The following UTRN variants were observed in gnomAD, a reference collection of about 807,000 sequenced individuals.
The protein encoded by UTRN is dystrophin-related protein 1.
Under a neutral mutation model 463.9 loss-of-function variants are expected in UTRN, and 283 were observed. The observed-to-expected ratio is 0.61, with a 90% CI of 0.55 to 0.67. The LOEUF (loss-of-function observed/expected upper bound fraction) is 0.67. Among genes scored for constraint, UTRN ranks in the 30% least tolerant of loss-of-function variants. The pLI is 0.00. For missense variants in UTRN, 3,922 were observed against 4,084.3 expected (o/e 0.96, Z 1.08); for synonymous variants, 1,442 against 1,431.5 (o/e 1.01, Z -0.17).
chr6:144,402,740 A>G (rs915391666), intron 2 of UTRN, among the ~76,000 whole-genome samples: 1 of 152,172 alleles, frequency 6.6e-6, no homozygotes, highest in South Asian at 2.1e-4. Flanking sequence ...TGTTTTTAGC[A>G]TGCTGACATT....
intron 54 of UTRN, among the ~76,000 whole-genome samples, chr6:144,731,187 A>G (rs1261883393): frequency 6.6e-6 from 1 of 151,730 alleles, no homozygotes; most frequent in Non-Finnish European, 1.5e-5. Flanking sequence ...CAAGCAGACA[A>G]CATTTGTTTA....
At chr6:144,838,615 C>T (rs575994773) in intron 71 of UTRN, among the ~76,000 whole-genome samples, 2 of 152,278 alleles carry the variant, frequency 1.3e-5, no homozygotes, top group South Asian at 4.1e-4. Flanking sequence ...ATTCTTCACT[C>T]CCCTCACAAA....
chr6:144,742,430 A>G (rs9497068), intron 54 of UTRN, among the ~76,000 whole-genome samples: 2,195 of 152,272 alleles, frequency 0.014, 54 homozygotes, highest in African/African-American at 0.05. Context: ...TTAGGAAATA[A>G]TGTATTTCCC....
chr6:144,702,170 C>A (rs7765968), intron 53 of UTRN, among the ~76,000 whole-genome samples: 54,841 of 151,700 alleles, frequency 0.36, 11,255 homozygotes, highest in East Asian at 0.88. Flanking sequence ...CCGAAATCCA[C>A]ATCTTGAGGT....
intron 51 of UTRN, among the ~76,000 whole-genome samples, chr6:144,616,877 C>T (rs891384913): frequency 1.3e-5 from 2 of 152,140 alleles, no homozygotes; most frequent in African/African-American, 4.8e-5. Flanking sequence ...AGCCAGCCCG[C>T]CATAGCGTTC....
Position 144,740,277 on chromosome 6 carries a change from G to A in UTRN, c.7940-7969G>A, listed in dbSNP as rs9376847. 3.3e-3 allele frequency among the ~76,000 whole-genome samples: 505 copies of A among 152,078 alleles called. 18 individuals are homozygous for A. In the East Asian group the frequency reaches 0.078, roughly 24 times the overall value. On this transcript the variant is annotated intron_variant, in intron 54 of 74. Transcript: ENST00000367545. ...ACAACATTTTATTTTCATTTTCTTC[G>A]ATTTTAAAATAATTCACACAGTAAT... is the stretch of plus-strand genomic sequence containing the variant.
intron 13 of UTRN, among the ~76,000 whole-genome samples, chr6:144,443,643 A>T (rs1350331054): frequency 6.6e-6 from 1 of 152,086 alleles, no homozygotes; most frequent in Non-Finnish European, 1.5e-5. Context: ...GATTTTTTAT[A>T]ATTAATAAAA....
intron 37 of UTRN, 29 bp downstream of exon 37, chr6:144,514,849 A>T: frequency 6.3e-7 from 1 of 1,599,012 alleles, no homozygotes; most frequent in African/African-American, 1.3e-5. Flanking sequence ...AGAGTAAACC[A>T]TTTTTCCTAT....
chr6:144,660,585 GAAAAT>G (rs2128671827), intron 51 of UTRN, among the ~76,000 whole-genome samples: 1 of 152,160 alleles, frequency 6.6e-6, no homozygotes, highest in East Asian at 1.9e-4. Flanking sequence ...AAAAGAAAAT[GAAAAT>G]AAAATAAAAA....
At chr6:144,663,234 T>C (rs185994888) in intron 51 of UTRN, among the ~76,000 whole-genome samples, 1 of 152,182 alleles carries the variant, frequency 6.6e-6, no homozygotes, top group African/African-American at 2.4e-5. Context: ...TACCAAGATG[T>C]GCCTGCCAGC....
intron 51 of UTRN, among the ~76,000 whole-genome samples, chr6:144,643,200 A>G (rs1777937942): frequency 6.6e-6 from 1 of 152,212 alleles, no homozygotes; most frequent in Non-Finnish European, 1.5e-5. Context: ...AAAATGATGG[A>G]GACTAGAAAG....
intron 52 of UTRN, among the ~76,000 whole-genome samples, chr6:144,687,397 G>A (rs977874807): frequency 2.6e-4 from 39 of 151,942 alleles, no homozygotes; most frequent in African/African-American, 9.4e-4. Context: ...CAAAAGTGAG[G>A]AGTAGCTATT....
intron 36 of UTRN, among the ~76,000 whole-genome samples, 190 bp downstream of exon 36, chr6:144,514,227 T>A (rs1035639331): frequency 6.6e-6 from 1 of 152,218 alleles, no homozygotes; most frequent in Admixed American, 6.5e-5. Context: ...TTGAAAGACT[T>A]GTAAGAGATT....
intron 2 of UTRN, among the ~76,000 whole-genome samples, chr6:144,391,364 C>T (rs1291240123): frequency 6.6e-6 from 1 of 152,162 alleles, no homozygotes; most frequent in Admixed American, 6.5e-5. Context: ...AGCCACTTGC[C>T]TGGTCCCCAG....
At chr6:144,829,211 G>A (rs1414733993) in intron 69 of UTRN, among the ~76,000 whole-genome samples, 2 of 151,976 alleles carry the variant, frequency 1.3e-5, no homozygotes, top group African/African-American at 4.8e-5. Context: ...TGCCCTTTCT[G>A]TGAAATCCTC....
At chr6:144,575,144 A>G (rs574433070) in intron 50 of UTRN, among the ~76,000 whole-genome samples, 27 of 152,284 alleles carry the variant, frequency 1.8e-4, no homozygotes, top group Admixed American at 1.7e-3. Context: ...TGTGCTGAGC[A>G]TATTTTCATT....
chr6:144,388,869 G>A (rs1781652652), intron 2 of UTRN, among the ~76,000 whole-genome samples: 1 of 152,200 alleles, frequency 6.6e-6, no homozygotes, highest in Non-Finnish European at 1.5e-5. Context: ...CACTGGGAAA[G>A]CTAGATGCCT....
intron 25 of UTRN, among the ~76,000 whole-genome samples, chr6:144,478,584 A>G (rs1418019733): frequency 2.0e-5 from 3 of 152,114 alleles, no homozygotes; most frequent in Non-Finnish European, 4.4e-5. Context: ...GGTCCTGTCT[A>G]TTTTTATGCC....
At chr6:144,806,999 G>A (rs1396498853) in intron 65 of UTRN, among the ~76,000 whole-genome samples, 1 of 152,032 alleles carries the variant, frequency 6.6e-6, no homozygotes, top group African/African-American at 2.4e-5. Flanking sequence ...GTCGTTTCAT[G>A]TCTGCCTTAG....
Sources: gnomAD v4.1 joint callset for allele counts (sites outside exome capture counted in the v4.1 genomes callset) on GRCh38, gnomAD v4.1.1 for gene constraint, MANE v1.5 for transcripts, NCBI Gene and HGNC (gene_info 2026-07-23, HGNC 2026-07-21) for gene names.